AKAP6: variants seen among roughly 807,000 people sequenced by gnomAD.
AKAP6 encodes A-kinase anchoring protein 6.
AKAP6 carries 58 observed loss-of-function variants against 188.5 expected under a neutral mutation model. That is an observed-to-expected ratio of 0.31 (90% CI 0.25 to 0.38). The LOEUF (loss-of-function observed/expected upper bound fraction) is 0.38, where lower values mean the gene tolerates loss of function less well. Among genes scored for constraint, AKAP6 ranks in the 10% least tolerant of loss-of-function variants. The pLI, the probability that AKAP6 is intolerant of heterozygous loss-of-function variation, is 1.00. For missense variants in AKAP6, 2,710 were observed against 2,740.0 expected (o/e 0.99, Z 0.24); for synonymous variants, 989 against 998.6 (o/e 0.99, Z 0.18).
At chr14:32,626,100 A>C (rs1887011214) in intron 7 of AKAP6, among the ~76,000 whole-genome samples, 1 of 152,060 alleles carries the variant, frequency 6.6e-6, no homozygotes, top group Non-Finnish European at 1.5e-5. Context: ...TTTCATACCC[A>C]CTGGTTGGTT....
At chr14:32,789,929 T>C (rs2033557615) in intron 12 of AKAP6, among the ~76,000 whole-genome samples, 1 of 152,136 alleles carries the variant, frequency 6.6e-6, no homozygotes, top group Non-Finnish European at 1.5e-5. Flanking sequence ...GTTGCTGAGC[T>C]ACAGGAGCAT....
chr14:32,618,352 C>T (rs1886670453), intron 7 of AKAP6, among the ~76,000 whole-genome samples: 1 of 152,128 alleles, frequency 6.6e-6, no homozygotes, highest in Non-Finnish European at 1.5e-5. Context: ...TCGTCCTACC[C>T]TCCCTGCTTC....
chr14:32,682,534 C>A (rs940809434), intron 8 of AKAP6, among the ~76,000 whole-genome samples: 1 of 152,150 alleles, frequency 6.6e-6, no homozygotes, highest in East Asian at 1.9e-4. Flanking sequence ...GAGGAAAGGT[C>A]TGGAATCATC....
intron 1 of AKAP6, among the ~76,000 whole-genome samples, chr14:32,426,176 A>G (rs899026351): frequency 2.6e-5 from 4 of 151,780 alleles, no homozygotes; most frequent in Admixed American, 2.6e-4. Context: ...TCTTTCCTTT[A>G]CTCAGGATTA....
At chr14:32,813,396 C>CCT (rs1555365148) in intron 12 of AKAP6, among the ~76,000 whole-genome samples, 16 of 121,808 alleles carry the variant, frequency 1.3e-4, no homozygotes, top group African/African-American at 4.6e-4. Flanking sequence ...CCTACCCCCC[C>CCT]CCCCAACCCC....
At chr14:32,629,601 C>G (rs745330469) in intron 7 of AKAP6, among the ~76,000 whole-genome samples, 1 of 151,484 alleles carries the variant, frequency 6.6e-6, no homozygotes, top group Non-Finnish European at 1.5e-5. Flanking sequence ...AGGGGCCAAC[C>G]CTAAGCTTTG....
intron 12 of AKAP6, among the ~76,000 whole-genome samples, chr14:32,812,641 A>G (rs1401401399): frequency 2.6e-5 from 4 of 152,194 alleles, no homozygotes; most frequent in Admixed American, 1.3e-4. Context: ...TAGGTGGGAA[A>G]GTAACTTTTT....
intron 1 of AKAP6, among the ~76,000 whole-genome samples, chr14:32,337,324 G>A (rs1340949190): frequency 6.6e-6 from 1 of 152,160 alleles, no homozygotes; most frequent in African/African-American, 2.4e-5. Context: ...ACTGAAGGAT[G>A]CACATTTCTT....
intron 3 of AKAP6, among the ~76,000 whole-genome samples, chr14:32,544,970 A>AT (rs1465210922): frequency 6.6e-6 from 1 of 152,114 alleles, no homozygotes; most frequent in Non-Finnish European, 1.5e-5. Flanking sequence ...TCAAGAATGG[A>AT]TTTTTTTGGC....
intron 1 of AKAP6, among the ~76,000 whole-genome samples, chr14:32,335,765 T>G (rs1886669770): frequency 6.6e-6 from 1 of 151,914 alleles, no homozygotes; most frequent in African/African-American, 2.4e-5. Context: ...ATCACCTGCT[T>G]TGTTTAACTC....
At chr14:32,594,826 G>A (rs917321965) in intron 5 of AKAP6, among the ~76,000 whole-genome samples, 1 of 152,168 alleles carries the variant, frequency 6.6e-6, no homozygotes. Flanking sequence ...GTGTCGTCAA[G>A]TGTCTTATTC....
At chr14:32,818,438 A>G (rs1249312297) in intron 12 of AKAP6, among the ~76,000 whole-genome samples, 2 of 151,980 alleles carry the variant, frequency 1.3e-5, no homozygotes, top group African/African-American at 2.4e-5. Flanking sequence ...TTTACTTTAA[A>G]TCATCTCTAG....
At chr14:32,735,618 TTGTTTGTTTTA>T in intron 10 of AKAP6, 29 bp from the exon 11 acceptor site, 2 of 1,436,152 alleles carry the variant, frequency 1.4e-6, no homozygotes, top group Non-Finnish European at 9.4e-7. Flanking sequence ...TTTTTTTTGT[TTGTTTGTTTTA>T]TTTTTTGTTT....
chr14:32,726,315 G>C (rs572460661), intron 9 of AKAP6: 5 of 641,002 alleles, frequency 7.8e-6, no homozygotes, highest in Non-Finnish European at 9.7e-6. Flanking sequence ...CCAAATGAAG[G>C]GTTCTGTAAA....
rs1472498257 is a variant in AKAP6 at position 32,477,289 on chromosome 14, C to T, written c.324+43472C>T. On this transcript the variant is annotated intron_variant, in intron 2 of 13. Coordinates refer to ENST00000280979, the MANE Select transcript of AKAP6 (RefSeq NM_004274.5). The stretch of plus-strand genomic sequence containing the variant: ...GGCTATTGTTTTAAGCTACTGCTAC[C>T]TTCTTGCTTACCAAGTTGCTCATTT... Among the ~76,000 whole-genome samples the T allele has an allele frequency of 2.0e-5, 3 of 152,158 alleles. No homozygotes were observed. In the East Asian group the frequency reaches 5.8e-4, roughly 29 times the overall value.
intron 1 of AKAP6, among the ~76,000 whole-genome samples, chr14:32,364,932 A>C (rs74041605): frequency 2.0e-5 from 3 of 152,198 alleles, no homozygotes; most frequent in Non-Finnish European, 4.4e-5. Context: ...GGACGAAATT[A>C]TAGTTAATAA....
intron 2 of AKAP6, among the ~76,000 whole-genome samples, chr14:32,458,023 A>C (rs1418772374): frequency 6.6e-6 from 1 of 152,236 alleles, no homozygotes; most frequent in East Asian, 1.9e-4. Flanking sequence ...CCTACTTGAT[A>C]GCAAGTTAGT....
intron 3 of AKAP6, among the ~76,000 whole-genome samples, chr14:32,544,123 A>G (rs963196365): frequency 1.3e-5 from 2 of 152,216 alleles, no homozygotes; most frequent in African/African-American, 2.4e-5. Context: ...CCTGGTTGAA[A>G]GGATCACAGG....
chr14:32,732,321 G>A (rs1203502477), intron 9 of AKAP6, 133 bp from the exon 10 acceptor site: 2 of 835,708 alleles, frequency 2.4e-6, no homozygotes, highest in Non-Finnish European at 3.7e-6. Context: ...AAAGTACTTA[G>A]GTTTAGCCTC....
Sources: gnomAD v4.1 joint callset for allele counts (sites outside exome capture counted in the v4.1 genomes callset) on GRCh38, gnomAD v4.1.1 for gene constraint, MANE v1.5 for transcripts, NCBI Gene and HGNC (gene_info 2026-07-23, HGNC 2026-07-21) for gene names.